The following ABCA5 variants were observed in gnomAD, a reference collection of about 807,000 sequenced individuals.
ABCA5 encodes the protein ATP binding cassette subfamily A member 5.
Under a neutral mutation model 206.0 loss-of-function variants are expected in ABCA5, and 163 were observed. That is an observed-to-expected ratio of 0.79 (90% confidence interval 0.70 to 0.90). The LOEUF is 0.90. ABCA5 is among the 40% of genes least tolerant of loss of function. The pLI, the probability that ABCA5 is intolerant of heterozygous loss-of-function variation, is 0.00. For missense variants in ABCA5, 1,859 were observed against 1,912.9 expected (o/e 0.97, Z 0.53); for synonymous variants, 609 against 613.8 (o/e 0.99, Z 0.11).
intron 18 of ABCA5, 97 bp downstream of exon 18, chr17:69,283,856 T>G (rs1384703261): frequency 7.9e-7 from 1 of 1,261,378 alleles, no homozygotes; most frequent in Non-Finnish European, 1.1e-6. Flanking sequence ...CTACCCTTTA[T>G]TCTAAAAAAA....
rs762439297 is a variant in ABCA5, at chr17:69,264,724, C to T, written c.3315+11G>A. ...CTATAAATAGCATGAGTACAACTAA[C>T]GTTAACTTACCACAGCAAGGAACTT... On this transcript the variant is annotated intron_variant, in intron 24 of 38. Transcript: ENST00000392676. The T allele has an allele frequency of 1.3e-5, 19 of 1,504,534 alleles. No homozygotes were observed. Among genetic ancestry groups the T allele is most frequent in the East Asian group, 7.2e-5 (3 of 41,746 alleles). The allele number at this position is 1,504,534 out of a possible 1,614,324, so 93.2% of individuals were successfully genotyped here.
rs984140800 is a variant in ABCA5, at chr17:69,259,660, TG to T, written c.3731+45del. 2.3e-6 allele frequency: 3 copies of T among 1,308,144 alleles called. No individual in the cohort carries two copies. The Admixed American group carries it at 5.6e-5, about 24-fold the overall frequency. The allele number at this position is 1,308,144 out of a possible 1,614,324, so 81.0% of individuals were successfully genotyped here. Reference sequence around the variant, plus strand: ...TGTTATGGTAATGGTTACACAGTTCTGTAAATATACTAAAAACATTTAAAAT... The same window carrying T: ...TGTTATGGTAATGGTTACACAGTTCTTAAATATACTAAAAACATTTAAAAT... On this transcript the variant is annotated intron_variant, in intron 28 of 38. Coordinates refer to ENST00000392676, the MANE Select transcript of ABCA5 (RefSeq NM_172232.4).
Position 69,253,858 on chromosome 17 carries a change from G to A in ABCA5, c.4256C>T (p.Ala1419Val). Residue 1419 changes from alanine to valine, a missense_variant, in exon 33 of 39, where the codon GCA (alanine) becomes GTA (valine). Transcript: ENST00000392676. ...CTGAAGATGTTCTTTTAAATCAAGTGCATGTGTTATTCTGCAAAATGAACA... is the reference window on the plus strand; with the variant it reads ...CTGAAGATGTTCTTTTAAATCAAGTACATGTGTTATTCTGCAAAATGAACA... ...MKEVISRITH[A>V]LDLKEHLQKT... 6.2e-7 allele frequency: 1 copy of A among 1,610,854 alleles called. No homozygotes were observed. Among genetic ancestry groups the A allele is most frequent in the South Asian group, 1.1e-5 (1 of 90,730 alleles).
intron 24 of ABCA5, among the ~76,000 whole-genome samples, chr17:69,263,791 G>A (rs1039955080): frequency 4.2e-5 from 6 of 142,320 alleles, no homozygotes; most frequent in South Asian, 2.2e-4. Context: ...CTACCTCCCC[G>A]GTTCAAGCGA....
At chr17:69,267,881 A>G (rs2075228223) in intron 23 of ABCA5, 62 bp downstream of exon 23, 1 of 877,706 alleles carries the variant, frequency 1.1e-6, no homozygotes, top group Non-Finnish European at 1.8e-6. Context: ...AATCAAGCAA[A>G]TAGGTTATTT....
Position 69,271,133 on chromosome 17 carries a change from T to C in ABCA5, c.2892+29A>G, listed in dbSNP as rs752422484. 3.1e-6 allele frequency: 5 copies of C among 1,593,928 alleles called. No individual in the cohort carries two copies. The Admixed American group carries it at 9.3e-5, about 30-fold the overall frequency. ...GTTTTAATCTTGCATAACTCCCAAA[T>C]GGATATTCATTCACTGCATTCATCT... On this transcript the variant is annotated intron_variant, in intron 21 of 38. Coordinates refer to ENST00000392676, the MANE Select transcript of ABCA5 (RefSeq NM_172232.4).
intron 1 of ABCA5, chr17:69,325,919 TATACTC>T (rs2075894153): frequency 2.0e-5 from 3 of 152,334 alleles, no homozygotes; most frequent in African/African-American, 4.8e-5. Context: ...TGAAAGGAAA[TATACTC>T]AAACAGCACA....
intron 1 of ABCA5, chr17:69,315,460 C>T (rs2075806688): frequency 6.6e-6 from 1 of 152,180 alleles, no homozygotes; most frequent in Admixed American, 6.5e-5. Context: ...AAGTCTCATA[C>T]AATCCAATAT....
chr17:69,297,490 A>T (rs2075596850), intron 9 of ABCA5, 131 bp from the exon 10 acceptor site: 9 of 731,844 alleles, frequency 1.2e-5, no homozygotes, highest in South Asian at 2.1e-5. Flanking sequence ...ATTTCCAAAC[A>T]TCATGTTGTA....
chr17:69,293,014 C>T (rs2075544688), intron 11 of ABCA5, among the ~76,000 whole-genome samples: 2 of 152,262 alleles, frequency 1.3e-5, no homozygotes, highest in Admixed American at 6.5e-5. Flanking sequence ...TACCACTATA[C>T]CTACTTTCTT....
intron 1 of ABCA5, among the ~76,000 whole-genome samples, chr17:69,322,879 T>C (rs1473821864): frequency 6.6e-6 from 1 of 151,982 alleles, no homozygotes; most frequent in East Asian, 1.9e-4. Context: ...ATAAAATAAA[T>C]AAGTTGAGTC....
intron 22 of ABCA5, chr17:69,268,900 A>G (rs1322590664): frequency 1.3e-5 from 2 of 152,194 alleles, no homozygotes; most frequent in African/African-American, 4.8e-5. Context: ...TTCAGGTCAT[A>G]TGACATTGCA....
chr17:69,266,762 G>C (rs1187921830), intron 23 of ABCA5, among the ~76,000 whole-genome samples: 1 of 149,270 alleles, frequency 6.7e-6, no homozygotes, highest in Non-Finnish European at 1.5e-5. Context: ...ACTACAATGA[G>C]TATATTTAAC....
intron 5 of ABCA5, among the ~76,000 whole-genome samples, chr17:69,307,553 A>G (rs1397482544): frequency 6.6e-6 from 1 of 152,098 alleles, no homozygotes; most frequent in Admixed American, 6.5e-5. Context: ...AGGTGATACA[A>G]CATCATCAAT....
At chr17:69,265,376 C>T (rs1005663877) in intron 23 of ABCA5, among the ~76,000 whole-genome samples, 20 of 152,220 alleles carry the variant, frequency 1.3e-4, no homozygotes, top group African/African-American at 4.1e-4. Context: ...ATAAGGCTTT[C>T]AGCTTAAGTG....
rs757819818 is a variant in ABCA5 at position 69,308,328 on chromosome 17, G to A, written c.510C>T (p.Ser170=). ...SKSCEAAQYW[S]SGFTVLQASI... ...ATGCTTGTAAAACTGTGAAACCTGA[G>A]GACCAGTACTGAGCAGCCTCACATG... Residue 170 remains serine, a synonymous_variant, in exon 5 of 39, where the codon TCC becomes TCT. Transcript: ENST00000392676. The A allele has an allele frequency of 3.4e-5, 54 of 1,611,924 alleles. No homozygotes were observed. Among genetic ancestry groups the A allele is most frequent in the Non-Finnish European group, 4.4e-5 (52 of 1,178,602 alleles).
chr17:69,277,740 G>C lies in ABCA5; in HGVS notation c.2495C>G (p.Ala832Gly). The change falls in exon 19 of 39, where the codon GCT (alanine) becomes GGT (glycine). Residue 832 changes from alanine to glycine, a missense_variant. Transcript: ENST00000392676. ...SLLILSETKA[A>G]LVSTMSLWKQ... is the part of the protein sequence containing the mutation. Reference sequence around the variant, plus strand: ...CCAAAGGCTCATGGTGCTCACTAGAGCAGCCTTGGTTTCAGAAAGAATAAG... The same window carrying C: ...CCAAAGGCTCATGGTGCTCACTAGACCAGCCTTGGTTTCAGAAAGAATAAG... The C allele has an allele frequency of 1.9e-6, 3 of 1,609,274 alleles. No homozygotes were observed. Among genetic ancestry groups the C allele is most frequent in the South Asian group, 1.1e-5 (1 of 89,672 alleles).
At position 69,274,839 on chromosome 17, in the gene ABCA5, C is replaced by CTTTTTTTTTTTTTTTTTTTTTTTTTTT. The variant is rs3052556; in HGVS notation, c.2595-712_2595-711insAAAAAAAAAAAAAAAAAAAAAAAAAAA. ...GTCCTGTCTCTATCTTAACCATTTA[C>CTTTTTTTTTTTTTTTTTTTTTTTTTTT]TTTTTTTTTTTTTTTTTTTTTTGAG... is the stretch of plus-strand genomic sequence containing the variant. On this transcript the variant is annotated intron_variant, in intron 19 of 38. Transcript: ENST00000392676. 8.2e-5 allele frequency among the ~76,000 whole-genome samples: 7 copies of CTTTTTTTTTTTTTTTTTTTTTTTTTTT among 85,750 alleles called. 1 individual carries two copies. The highest frequency in any genetic ancestry group is 3.1e-4 in the African/African-American group (7 of 22,740). The allele number at this position is 85,750 out of a possible 152,430, so 56.3% of individuals were successfully genotyped here.
chr17:69,305,634 C>A (rs1158527860), intron 6 of ABCA5, among the ~76,000 whole-genome samples: 1 of 152,092 alleles, frequency 6.6e-6, no homozygotes, highest in Non-Finnish European at 1.5e-5. Flanking sequence ...CTTTGGGAGG[C>A]CAAGATGAGA....
Sources: allele counts gnomAD v4.1 joint callset (sites outside exome capture counted in the v4.1 genomes callset), GRCh38; gene constraint gnomAD v4.1.1; transcripts MANE v1.5; gene names NCBI Gene and HGNC (gene_info 2026-07-23, HGNC 2026-07-21).